The following SBNO1 variants were observed in gnomAD, a reference collection of about 807,000 sequenced individuals.
SBNO1 encodes the protein strawberry notch homolog 1.
A neutral mutation model predicts 173.6 loss-of-function variants in SBNO1; 23 were observed. The observed-to-expected ratio is 0.13, with a 90% CI of 0.10 to 0.19. SBNO1 has a LOEUF of 0.19. Ranked by LOEUF, SBNO1 falls within the 10% of genes least tolerant of loss-of-function variation. SBNO1 has a pLI of 1.00. For missense variants in SBNO1, 1,238 were observed against 1,671.2 expected (o/e 0.74, Z 4.52); for synonymous variants, 632 against 571.5 (o/e 1.11, Z -1.51).
At position 123,309,522 on chromosome 12, in the gene SBNO1, T is replaced by A; in HGVS notation, c.3504A>T (p.Gly1168=). 6.2e-7 allele frequency: 1 copy of A among 1,613,988 alleles called. No individual in the cohort carries two copies. The highest frequency in any genetic ancestry group is 8.5e-7 in the Non-Finnish European group (1 of 1,179,836). The part of the protein sequence containing the change: ...KSDVKKFLTP[G]YSTSGHVELY... The stretch of plus-strand genomic sequence containing the variant: ...ATTCTACGTGGCCAGAGGTTGAATA[T>A]CCTGGAGTCAGAAACTTTTTAACAT... The change falls in exon 27 of 32, where the codon GGA becomes GGT. Residue 1168 remains glycine, a synonymous_variant. Coordinates refer to ENST00000602398, the MANE Select transcript of SBNO1 (RefSeq NM_001167856.3).
At chr12:123,352,359 T>A (rs1227257006) in intron 1 of SBNO1, among the ~76,000 whole-genome samples, 3 of 152,226 alleles carry the variant, frequency 2.0e-5, no homozygotes, top group African/African-American at 7.2e-5. Flanking sequence ...TTGCCCAAGG[T>A]GGAGTACAAT....
chr12:123,310,933 G>T, intron 25 of SBNO1, 122 bp downstream of exon 25: 1 of 734,850 alleles, frequency 1.4e-6, no homozygotes, highest in Non-Finnish European at 2.3e-6. Flanking sequence ...CCCCACAGCA[G>T]CCAAAACCAC....
rs2048477667 is a variant in SBNO1 at position 123,289,280 on chromosome 12, G to A, written c.*6628C>T. ...TGCAGCCAGTACATTTTTATTGCAT[G>A]AGACCAAATTTTTCAGTTACATATC... On this transcript the variant is annotated 3_prime_UTR_variant, in exon 32 of 32. Transcript: ENST00000602398. 1 of 152,186 alleles carries A rather than the reference G, an allele frequency of 6.6e-6. No individual in the cohort carries two copies. Among genetic ancestry groups the A allele is most frequent in the Non-Finnish European group, 1.5e-5 (1 of 68,034 alleles). 9.4% of individuals were successfully genotyped at this position (152,186 alleles called of 1,614,324 possible).
intron 7 of SBNO1, among the ~76,000 whole-genome samples, chr12:123,332,078 T>C (rs1171849705): frequency 4.0e-5 from 6 of 151,782 alleles, no homozygotes; most frequent in South Asian, 4.2e-4. Context: ...CTCGATCTCC[T>C]GACCTCATGA....
intron 28 of SBNO1, among the ~76,000 whole-genome samples, chr12:123,306,491 A>C (rs1486432401): frequency 6.6e-6 from 1 of 152,194 alleles, no homozygotes; most frequent in Non-Finnish European, 1.5e-5. Context: ...ACCTAAGAGA[A>C]GCTGGGGATC....
chr12:123,355,859 A>G (rs1018314344), intron 1 of SBNO1, among the ~76,000 whole-genome samples: 1 of 152,204 alleles, frequency 6.6e-6, no homozygotes, highest in African/African-American at 2.4e-5. Context: ...AACTTCTATG[A>G]TAAGTAAGAC....
intron 16 of SBNO1, among the ~76,000 whole-genome samples, chr12:123,323,153 C>T (rs1870198950): frequency 6.6e-6 from 1 of 152,148 alleles, no homozygotes; most frequent in South Asian, 2.1e-4. Context: ...TAGCCAAGTG[C>T]TTAACACACT....
At chr12:123,341,717 G>A (rs563751977) in intron 4 of SBNO1, among the ~76,000 whole-genome samples, 3 of 151,652 alleles carry the variant, frequency 2.0e-5, no homozygotes, top group African/African-American at 2.4e-5. Context: ...AAGTAAAAAC[G>A]GAGTTTCTCC....
At position 123,315,397 on chromosome 12, in the gene SBNO1, C is replaced by G; in HGVS notation, c.3096G>C (p.Leu1032=). The G allele has an allele frequency of 6.2e-7, 1 of 1,613,062 alleles. No individual in the cohort carries two copies. Among genetic ancestry groups the G allele is most frequent in the Non-Finnish European group, 8.5e-7 (1 of 1,179,156 alleles). The change falls in exon 23 of 32, where the codon CTG becomes CTC. Residue 1032 remains leucine (L), a synonymous_variant. Coordinates refer to ENST00000602398, the MANE Select transcript of SBNO1 (RefSeq NM_001167856.3). ...CCTTATTATCAAAGTTGAACCTGCT[C>G]AGATCTCTAGATTCTGTTGCCCTTC... ...GDRRATESRD[L]SRFNFDNKYG...
chr12:123,347,499 T>C (rs1334324856), intron 3 of SBNO1, among the ~76,000 whole-genome samples: 1 of 151,890 alleles, frequency 6.6e-6, no homozygotes, highest in Non-Finnish European at 1.5e-5. Context: ...GTGTTGGGAT[T>C]ACAGGCGTGA....
chr12:123,361,286 C>A (rs1013763725), intron 1 of SBNO1, among the ~76,000 whole-genome samples: 2 of 151,380 alleles, frequency 1.3e-5, no homozygotes, highest in African/African-American at 2.4e-5. Flanking sequence ...TGGTGGCTCA[C>A]GCCTGTAATC....
At chr12:123,303,180 T>C (rs931656502) in intron 29 of SBNO1, among the ~76,000 whole-genome samples, 22 of 152,216 alleles carry the variant, frequency 1.4e-4, no homozygotes, top group Admixed American at 3.3e-4. Context: ...TAAAACCTAA[T>C]AGTAAATGTT....
In SBNO1 at chr12:123,364,753, G is replaced by C. The variant is rs1593438886; in HGVS notation, c.-53C>G. 1 of 988,042 alleles carries C rather than the reference G, an allele frequency of 1.0e-6. No individual in the cohort carries two copies. The highest frequency in any genetic ancestry group is 6.1e-5 in the Admixed American group (1 of 16,272). The allele number at this position is 988,042 out of a possible 1,614,324, so 61.2% of individuals were successfully genotyped here. Reference sequence around the variant, plus strand: ...AGCTCCTCCCGGGAGGTGTGAGTTTGAAGGACCAGAGGCGACTGGAGCGGA... The same window carrying C: ...AGCTCCTCCCGGGAGGTGTGAGTTTCAAGGACCAGAGGCGACTGGAGCGGA... On this transcript the variant is annotated 5_prime_UTR_variant, in exon 1 of 32. Transcript: ENST00000602398.
In SBNO1 at chr12:123,350,445, TA is replaced by T; in HGVS notation, c.1-5del. The T allele has an allele frequency of 6.2e-7, 1 of 1,610,578 alleles. No homozygotes were observed. The highest frequency in any genetic ancestry group is 8.5e-7 in the Non-Finnish European group (1 of 1,176,964). On this transcript the variant is annotated splice_polypyrimidine_tract_variant and splice_region_variant and intron_variant, in intron 1 of 31. Coordinates refer to ENST00000602398, the MANE Select transcript of SBNO1 (RefSeq NM_001167856.3). The stretch of plus-strand genomic sequence containing the variant: ...AATCTTGCCCTGGCTCCACCATCTT[TA>T]AAGGGAAATATTAAATATTAACATA...
At chr12:123,334,444 A>T (rs937745331) in intron 6 of SBNO1, among the ~76,000 whole-genome samples, 1 of 152,260 alleles carries the variant, frequency 6.6e-6, no homozygotes, top group African/African-American at 2.4e-5. Flanking sequence ...TGGGTGGCTC[A>T]CGCCTGTAAT....
At chr12:123,332,706 A>G (rs1056576981) in intron 7 of SBNO1, among the ~76,000 whole-genome samples, 10 of 152,130 alleles carry the variant, frequency 6.6e-5, no homozygotes, top group East Asian at 1.9e-4. Context: ...AGATGGCACT[A>G]GAGGTGTGTA....
intron 28 of SBNO1, among the ~76,000 whole-genome samples, chr12:123,305,361 AGCT>A (rs771493730): frequency 1.3e-5 from 2 of 152,232 alleles, no homozygotes; most frequent in Non-Finnish European, 2.9e-5. Flanking sequence ...TAAACATCAA[AGCT>A]GCTATGGCAG....
intron 28 of SBNO1, among the ~76,000 whole-genome samples, chr12:123,306,664 T>C (rs1386116748): frequency 6.6e-6 from 1 of 152,008 alleles, no homozygotes. Context: ...GAGACTGTCC[T>C]GAAAATAACC....
At chr12:123,361,397 A>G (rs1042275249) in intron 1 of SBNO1, among the ~76,000 whole-genome samples, 1 of 151,874 alleles carries the variant, frequency 6.6e-6, no homozygotes, top group Non-Finnish European at 1.5e-5. Context: ...AAAAATACAA[A>G]GTTAACCAGA....
Sources: gnomAD v4.1 joint callset for allele counts (sites outside exome capture counted in the v4.1 genomes callset) on GRCh38, gnomAD v4.1.1 for gene constraint, MANE v1.5 for transcripts, NCBI Gene and HGNC (gene_info 2026-07-23, HGNC 2026-07-21) for gene names.